The following WNT3A variants were observed in gnomAD, a reference collection of about 807,000 sequenced individuals.
WNT3A encodes the protein protein Wnt-3a.
Under a neutral mutation model 37.0 loss-of-function variants are expected in WNT3A, and 17 were observed. The observed-to-expected ratio is 0.46, with a 90% CI of 0.31 to 0.69. The LOEUF (loss-of-function observed/expected upper bound fraction) is 0.69, where lower values mean the gene tolerates loss of function less well. WNT3A is among the 30% of genes least tolerant of loss of function. The pLI, the probability that WNT3A is intolerant of heterozygous loss-of-function variation, is 0.05. For synonymous variants in WNT3A, 187 were observed against 211.0 expected (o/e 0.89, Z 0.99); for missense variants, 411 against 510.2 (o/e 0.81, Z 1.87).
chr1:228,029,625 C>T (rs1275177762), intron 2 of WNT3A, among the ~76,000 whole-genome samples: 1 of 152,176 alleles, frequency 6.6e-6, no homozygotes, highest in Admixed American at 6.5e-5. Flanking sequence ...CTGTCTCCCT[C>T]ATTTTATAAC....
chr1:228,045,969 G>A (rs891140255), intron 2 of WNT3A, among the ~76,000 whole-genome samples: 1 of 152,252 alleles, frequency 6.6e-6, no homozygotes, highest in African/African-American at 2.4e-5. Context: ...GCCGCGGCTA[G>A]GGAGGGAGTC....
intron 2 of WNT3A, among the ~76,000 whole-genome samples, chr1:228,040,713 C>G (rs1201686651): frequency 6.6e-6 from 1 of 151,720 alleles, no homozygotes. Flanking sequence ...GAAACCCTTT[C>G]TCTACTAAAA....
rs760074981 is a variant in WNT3A, at chr1:228,022,810, T to C, written c.215T>C (p.Ile72Thr). Residue 72 changes from isoleucine (I) to threonine (T), a missense_variant, in exon 2 of 4, where the codon ATT (isoleucine) becomes ACT (threonine). Transcript: ENST00000284523. ...IMPSVAEGIK[I>T]GIQECQHQFR... is the part of the protein sequence containing the mutation. ...CCCAGCGTGGCCGAGGGCATCAAGA[T>C]TGGCATCCAGGAGTGCCAGCACCAG... 2.5e-6 allele frequency: 4 copies of C among 1,614,122 alleles called. No individual in the cohort carries two copies. The South Asian group carries it at 4.4e-5, about 18-fold the overall frequency.
At chr1:228,024,284 A>C (rs2030801638) in intron 2 of WNT3A, among the ~76,000 whole-genome samples, 1 of 152,188 alleles carries the variant, frequency 6.6e-6, no homozygotes, top group Non-Finnish European at 1.5e-5. Context: ...TATTCCTACC[A>C]GTATTGTTTG....
rs1414615240 is a variant in WNT3A at position 228,059,286 on chromosome 1, G to T, written c.880G>T (p.Asp294Tyr). Residue 294 changes from aspartate to tyrosine, a missense_variant, in exon 4 of 4, where the codon GAC becomes TAC. Asp to Tyr is a radical substitution (Grantham distance 160). Coordinates refer to ENST00000284523, the MANE Select transcript of WNT3A (RefSeq NM_033131.4). ...NPETGSFGTR[D>Y]RTCNVSSHGI... ...TGAGACGGGCTCCTTCGGCACGCGC[G>T]ACCGCACCTGCAACGTCAGCTCGCA... The T allele has an allele frequency of 1.3e-6, 2 of 1,590,532 alleles. No individual in the cohort carries two copies. The highest frequency in any genetic ancestry group is 1.7e-6 in the Non-Finnish European group (2 of 1,172,766).
intron 3 of WNT3A, among the ~76,000 whole-genome samples, chr1:228,055,951 T>C (rs1461376323): frequency 6.6e-6 from 1 of 152,180 alleles, no homozygotes. Context: ...GAAAATTTTC[T>C]CTCTACATAT....
In WNT3A at chr1:228,008,718, A is replaced by C. The variant is rs925351209; in HGVS notation, c.71+1519A>C. Among the ~76,000 whole-genome samples the C allele has an allele frequency of 7.2e-5, 11 of 152,232 alleles. No homozygotes were observed. The highest frequency in any genetic ancestry group is 1.3e-4 in the Non-Finnish European group (9 of 67,980). The stretch of plus-strand genomic sequence containing the variant: ...TGCCGGCTTACGCACCAGGCTTCTA[A>C]TTAGAACCCGCCGCCGCGTTCCTGA... On this transcript the variant is annotated intron_variant, in intron 1 of 3. Transcript: ENST00000284523. The surrounding 1 kb of genome is among the most constrained non-coding windows in gnomAD (Gnocchi z 4.9).
At position 228,060,270 on chromosome 1, in the gene WNT3A, A is replaced by G. The variant is rs773450831; in HGVS notation, c.*805A>G. On this transcript the variant is annotated 3_prime_UTR_variant, in exon 4 of 4. Transcript: ENST00000284523. Reference sequence around the variant, plus strand: ...CATCCCCAACCCCCTGTAAGGTTCCATCCACCCCTGCGTCGAGCTGGGAAG... The same window carrying G: ...CATCCCCAACCCCCTGTAAGGTTCCGTCCACCCCTGCGTCGAGCTGGGAAG... The G allele has an allele frequency of 7.4e-7, 1 of 1,351,454 alleles. No homozygotes were observed. Among genetic ancestry groups the G allele is most frequent in the Non-Finnish European group, 9.8e-7 (1 of 1,021,384 alleles). 83.7% of individuals were successfully genotyped at this position (1,351,454 alleles called of 1,614,324 possible). A position where few individuals can be genotyped will look rare whatever the true frequency, so the allele number is the denominator to read the frequency against.
At chr1:228,041,013 ATATCTATCTATCTATC>A (rs6143658) in intron 2 of WNT3A, among the ~76,000 whole-genome samples, 7 of 140,834 alleles carry the variant, frequency 5.0e-5, no homozygotes, top group East Asian at 2.0e-4. Flanking sequence ...CTACATATCT[ATATCTATCTATCTATC>A]TATCTATCTA....
At chr1:228,011,804 G>A (rs1447329375) in intron 1 of WNT3A, among the ~76,000 whole-genome samples, 1 of 152,214 alleles carries the variant, frequency 6.6e-6, no homozygotes, top group Non-Finnish European at 1.5e-5. Context: ...CCTGGGGGTG[G>A]CATTGCTTCT....
At chr1:228,029,240 C>T (rs1420715357) in intron 2 of WNT3A, among the ~76,000 whole-genome samples, 3 of 152,150 alleles carry the variant, frequency 2.0e-5, no homozygotes, top group East Asian at 1.9e-4. Flanking sequence ...TTTTGGAGGG[C>T]CCTTGGAGCT....
At chr1:228,016,016 G>A (rs1003362642) in intron 1 of WNT3A, among the ~76,000 whole-genome samples, 1 of 152,150 alleles carries the variant, frequency 6.6e-6, no homozygotes, top group Non-Finnish European at 1.5e-5. Flanking sequence ...GTCTGTCTGT[G>A]CCCGTCACCT....
rs577367189 is a variant in WNT3A at position 228,057,557 on chromosome 1, G to T, written c.580-1429G>T. ...GATATTAGATAAACTAGACTGGGCA[G>T]GGCGAGGGATATGTTACTCTACAGA... On this transcript the variant is annotated intron_variant, in intron 3 of 3. Coordinates refer to ENST00000284523, the MANE Select transcript of WNT3A (RefSeq NM_033131.4). 2.6e-5 allele frequency among the ~76,000 whole-genome samples: 4 copies of T among 152,284 alleles called. No individual in the cohort carries two copies. In the South Asian group the frequency reaches 8.3e-4, roughly 32 times the overall value.
At chr1:228,018,851 G>A (rs2030609981) in intron 1 of WNT3A, among the ~76,000 whole-genome samples, 1 of 152,236 alleles carries the variant, frequency 6.6e-6, no homozygotes, top group Non-Finnish European at 1.5e-5. Flanking sequence ...GGCAGGGTCT[G>A]TGTGGCCCAG....
At position 228,039,881 on chromosome 1, in the gene WNT3A, C is replaced by T. The variant is rs1450630100; in HGVS notation, c.314-10775C>T. 6.6e-6 allele frequency among the ~76,000 whole-genome samples: 1 copy of T among 152,160 alleles called. No individual in the cohort carries two copies. The highest frequency in any genetic ancestry group is 6.5e-5 in the Admixed American group (1 of 15,288). ...TCCTATGGTCGCATTTAACAACAAT[C>T]CCCACCCCCTGACCCAGAACTTTCC... On this transcript the variant is annotated intron_variant, in intron 2 of 3. Coordinates refer to ENST00000284523, the MANE Select transcript of WNT3A (RefSeq NM_033131.4). The surrounding 1 kb of genome is among the most constrained non-coding windows in gnomAD (Gnocchi z 4.1).
At chr1:228,041,241 T>G (rs1229833175) in intron 2 of WNT3A, among the ~76,000 whole-genome samples, 1 of 152,076 alleles carries the variant, frequency 6.6e-6, no homozygotes, top group African/African-American at 2.4e-5. Flanking sequence ...CCATCAAAGC[T>G]CATCTCATGA....
At position 228,059,975 on chromosome 1, in the gene WNT3A, G is replaced by C; in HGVS notation, c.*510G>C. 8.8e-7 allele frequency: 1 copy of C among 1,131,260 alleles called. No individual in the cohort carries two copies. 70.1% of individuals were successfully genotyped at this position (1,131,260 alleles called of 1,614,324 possible). On this transcript the variant is annotated 3_prime_UTR_variant, in exon 4 of 4. Coordinates refer to ENST00000284523, the MANE Select transcript of WNT3A (RefSeq NM_033131.4). ...GAGGGCGGAGCGCCTCCTTAGGAGT[G>C]GGGTTTTATGGTGGATGAGGCTTCT...
chr1:228,021,110 A>G (rs760641874), intron 1 of WNT3A, among the ~76,000 whole-genome samples: 1 of 152,132 alleles, frequency 6.6e-6, no homozygotes, highest in Non-Finnish European at 1.5e-5. Context: ...CACTCACATA[A>G]CCAACATCGC....
chr1:228,027,759 CA>C (rs1333033023), intron 2 of WNT3A, among the ~76,000 whole-genome samples: 7 of 152,310 alleles, frequency 4.6e-5, no homozygotes, highest in Admixed American at 3.3e-4. Flanking sequence ...TTTCTGTGTG[CA>C]GAAGCTTTTT....
Sources: gnomAD v4.1 joint callset for allele counts (sites outside exome capture counted in the v4.1 genomes callset) on GRCh38, gnomAD v4.1.1 for gene constraint, Gnocchi (gnomAD v3.1) non-coding constraint, MANE v1.5 for transcripts, NCBI Gene and HGNC (gene_info 2026-07-23, HGNC 2026-07-21) for gene names.